Variants in RIMS2 observed in about 807,000 individuals in gnomAD.
The protein encoded by RIMS2 is regulating synaptic membrane exocytosis protein 2.
Under a neutral mutation model 174.4 loss-of-function variants are expected in RIMS2, and 59 were observed. The observed-to-expected ratio is 0.34, with a 90% confidence interval of 0.27 to 0.42. The LOEUF is 0.42. RIMS2 is among the 10% of genes least tolerant of loss of function. The pLI is 1.00. For missense variants in RIMS2, 1,620 were observed against 1,666.3 expected (o/e 0.97, Z 0.48); for synonymous variants, 606 against 572.5 (o/e 1.06, Z -0.84).
At chr8:103,588,643 G>C (rs561761968) in intron 1 of RIMS2, among the ~76,000 whole-genome samples, 1 of 151,718 alleles carries the variant, frequency 6.6e-6, no homozygotes, top group African/African-American at 2.4e-5. Flanking sequence ...AAAGTGCCAA[G>C]AATATAAACT....
intron 2 of RIMS2, among the ~76,000 whole-genome samples, chr8:103,711,912 AT>A (rs2097308942): frequency 6.6e-6 from 1 of 151,614 alleles, no homozygotes; most frequent in South Asian, 2.1e-4. Context: ...ATATATATAT[AT>A]ATCACACTTT....
intron 19 of RIMS2, among the ~76,000 whole-genome samples, chr8:104,056,967 G>A (rs747344283): frequency 1.3e-4 from 20 of 151,834 alleles, no homozygotes; most frequent in African/African-American, 2.7e-4. Context: ...TCAAGGTCCC[G>A]TCAACTCTGT....
At chr8:103,723,899 G>GGGAGCCT (rs1461833976) in intron 2 of RIMS2, among the ~76,000 whole-genome samples, 1 of 152,154 alleles carries the variant, frequency 6.6e-6, no homozygotes, top group Non-Finnish European at 1.5e-5. Flanking sequence ...TTCACTGTCG[G>GGGAGCCT]GGAGCCTGGA....
intron 2 of RIMS2, among the ~76,000 whole-genome samples, chr8:103,737,187 T>G (rs1387790122): frequency 1.5e-5 from 2 of 132,328 alleles, no homozygotes; most frequent in Non-Finnish European, 3.2e-5. Flanking sequence ...TTTTTTTTTT[T>G]TTTTTTTTTT....
chr8:103,724,523 T>A (rs1422591307), intron 2 of RIMS2, among the ~76,000 whole-genome samples: 1 of 152,184 alleles, frequency 6.6e-6, no homozygotes, highest in East Asian at 1.9e-4. Flanking sequence ...TAGCATTGGA[T>A]TTTGTTACAT....
intron 1 of RIMS2, among the ~76,000 whole-genome samples, chr8:103,526,013 T>C (rs1385413761): frequency 6.6e-6 from 1 of 152,200 alleles, no homozygotes; most frequent in East Asian, 1.9e-4. Flanking sequence ...ATTTGAAGCC[T>C]CTTTCTACTA....
intron 19 of RIMS2, among the ~76,000 whole-genome samples, chr8:104,184,497 T>C (rs2098957930): frequency 1.3e-5 from 2 of 151,578 alleles, no homozygotes; most frequent in South Asian, 4.1e-4. Context: ...CTAAACAATG[T>C]TTTTATTGAA....
At chr8:104,129,168 T>C (rs1216614205) in intron 19 of RIMS2, among the ~76,000 whole-genome samples, 1 of 151,894 alleles carries the variant, frequency 6.6e-6, no homozygotes, top group Non-Finnish European at 1.5e-5. Context: ...GATAGATCCC[T>C]TGAGCCCAGG....
rs541498587 is a variant in RIMS2 at position 103,791,748 on chromosome 8, A to G, written c.698+25211A>G. 3.3e-5 allele frequency among the ~76,000 whole-genome samples: 5 copies of G among 152,266 alleles called. No homozygotes were observed. The East Asian group carries it at 9.7e-4, about 29-fold the overall frequency. On this transcript the variant is annotated intron_variant, in intron 3 of 23. Coordinates refer to ENST00000504942, the Ensembl canonical transcript of RIMS2. ...AAGATCTACCAAGCAAATGGAAAAC[A>G]AAAAAAGGTAGGGGTTGCAATCCTA...
intron 17 of RIMS2, among the ~76,000 whole-genome samples, chr8:104,004,638 G>A (rs7829175): frequency 0.63 from 95,731 of 151,976 alleles, 31,325 homozygotes; most frequent in East Asian, 0.91. Flanking sequence ...CTTTCCCTTC[G>A]AGTAAGAAAT....
chr8:104,171,260 C>T (rs2098830503), intron 19 of RIMS2, among the ~76,000 whole-genome samples: 1 of 152,030 alleles, frequency 6.6e-6, no homozygotes, highest in Non-Finnish European at 1.5e-5. Context: ...TTCATTTCTC[C>T]CTCAGGAATA....
At chr8:103,897,961 T>A (rs975663625) in intron 4 of RIMS2, among the ~76,000 whole-genome samples, 2 of 151,704 alleles carry the variant, frequency 1.3e-5, no homozygotes, top group Non-Finnish European at 2.9e-5. Context: ...CCAATCAATA[T>A]TGCATAGTGT....
At chr8:103,585,728 G>C (rs547878362) in intron 1 of RIMS2, among the ~76,000 whole-genome samples, 1 of 151,830 alleles carries the variant, frequency 6.6e-6, no homozygotes, top group Non-Finnish European at 1.5e-5. Context: ...GGGCCTGTTG[G>C]GGGGTTGGGG....
intron 19 of RIMS2, among the ~76,000 whole-genome samples, chr8:104,044,751 G>T (rs1340631594): frequency 1.3e-5 from 2 of 151,472 alleles, no homozygotes; most frequent in African/African-American, 4.8e-5. Context: ...GAGCTTTCTG[G>T]ATTTCTGTTA....
intron 3 of RIMS2, among the ~76,000 whole-genome samples, chr8:103,818,812 A>G (rs541642271): frequency 2.2e-4 from 33 of 152,212 alleles, no homozygotes; most frequent in Middle Eastern, 3.2e-3. Flanking sequence ...ACACCTAAGT[A>G]CATGTTTTCC....
At chr8:103,717,771 C>T (rs1471564703) in intron 2 of RIMS2, among the ~76,000 whole-genome samples, 7 of 152,074 alleles carry the variant, frequency 4.6e-5, no homozygotes, top group African/African-American at 1.7e-4. Flanking sequence ...ATTCAGCAGG[C>T]CTTTTTATAA....
chr8:104,168,485 CA>C (rs776574747), intron 19 of RIMS2, among the ~76,000 whole-genome samples: 25 of 152,152 alleles, frequency 1.6e-4, no homozygotes, highest in Non-Finnish European at 3.4e-4. Context: ...TGGTGTGTAG[CA>C]GTGTTACTAA....
intron 1 of RIMS2, among the ~76,000 whole-genome samples, chr8:103,613,243 C>T (rs1056394724): frequency 2.0e-5 from 3 of 152,182 alleles, no homozygotes; most frequent in Non-Finnish European, 2.9e-5. Flanking sequence ...GCTAAGGTGA[C>T]ACTTAAACCA....
intron 19 of RIMS2, among the ~76,000 whole-genome samples, chr8:104,157,897 C>A (rs1171126172): frequency 6.6e-6 from 1 of 152,060 alleles, no homozygotes; most frequent in Non-Finnish European, 1.5e-5. Flanking sequence ...AACTGCCATA[C>A]TGGTTTTCTA....
Sources: gnomAD v4.1 joint callset for allele counts (sites outside exome capture counted in the v4.1 genomes callset) on GRCh38, gnomAD v4.1.1 for gene constraint, MANE v1.5 for transcripts, NCBI Gene and HGNC (gene_info 2026-07-23, HGNC 2026-07-21) for gene names.